TCERG1L: variants seen among roughly 807,000 people sequenced by gnomAD.
The protein encoded by TCERG1L is transcription elongation regulator 1 like.
In TCERG1L, 37 loss-of-function variants were observed where a neutral mutation model predicts 56.3. The observed-to-expected ratio is 0.66, with a 90% CI of 0.51 to 0.87. The LOEUF (loss-of-function observed/expected upper bound fraction) is 0.87. Ranked by LOEUF, TCERG1L falls within the 40% of genes least tolerant of loss-of-function variation. TCERG1L has a pLI of 0.00. For synonymous variants in TCERG1L, 324 were observed against 326.3 expected (o/e 0.99, Z 0.08); for missense variants, 799 against 774.2 (o/e 1.03, Z -0.38).
At chr10:131,304,867 T>A (rs1040255345) in intron 3 of TCERG1L, among the ~76,000 whole-genome samples, 1 of 151,960 alleles carries the variant, frequency 6.6e-6, no homozygotes, top group African/African-American at 2.4e-5. Flanking sequence ...TCCGTGAGGA[T>A]CCTGGGGACT....
At chr10:131,257,345 CTG>C (rs1045450275) in intron 4 of TCERG1L, among the ~76,000 whole-genome samples, 3 of 152,228 alleles carry the variant, frequency 2.0e-5, no homozygotes. Context: ...TGACACCACT[CTG>C]AAAGAGAAGC....
At chr10:131,169,646 C>T (rs898333280) in intron 4 of TCERG1L, among the ~76,000 whole-genome samples, 6 of 152,082 alleles carry the variant, frequency 3.9e-5, no homozygotes, top group Non-Finnish European at 8.8e-5. Flanking sequence ...CTGGAGGGGT[C>T]GTGCACGGAA....
chr10:131,236,617 C>T (rs1845915684), intron 4 of TCERG1L, among the ~76,000 whole-genome samples: 1 of 152,222 alleles, frequency 6.6e-6, no homozygotes, highest in African/African-American at 2.4e-5. Context: ...TCGATGACAG[C>T]CATCCCCACT....
intron 4 of TCERG1L, among the ~76,000 whole-genome samples, chr10:131,243,874 G>A (rs1437807277): frequency 6.6e-6 from 1 of 152,214 alleles, no homozygotes; most frequent in Non-Finnish European, 1.5e-5. Flanking sequence ...AAAAGCCCAA[G>A]AACTGTCCAA....
At chr10:131,292,791 T>G (rs1846644746) in intron 3 of TCERG1L, among the ~76,000 whole-genome samples, 1 of 128,582 alleles carries the variant, frequency 7.8e-6, no homozygotes, top group Non-Finnish European at 1.8e-5. Context: ...TTAATGTGTT[T>G]TTTTTTTCAT....
intron 4 of TCERG1L, among the ~76,000 whole-genome samples, chr10:131,254,909 T>C (rs1846151945): frequency 3.3e-5 from 5 of 152,204 alleles, no homozygotes. Context: ...CACTTCCTTA[T>C]AGAGCGGTGA....
chr10:131,122,533 C>T (rs1845523966), intron 8 of TCERG1L, among the ~76,000 whole-genome samples: 1 of 152,240 alleles, frequency 6.6e-6, no homozygotes, highest in Non-Finnish European at 1.5e-5. Context: ...AACACATTAG[C>T]ATACTGGCAG....
intron 1 of TCERG1L, among the ~76,000 whole-genome samples, chr10:131,309,748 T>G (rs1445861196): frequency 2.7e-5 from 4 of 145,736 alleles, no homozygotes; most frequent in Non-Finnish European, 6.0e-5. Flanking sequence ...TACAAATAAC[T>G]AATACTTTCA....
rs780626618 is a variant in TCERG1L, at chr10:131,146,515, C to T, written c.1180G>A (p.Ala394Thr). 6 of 1,609,298 alleles carry T rather than the reference C, an allele frequency of 3.7e-6. No homozygotes were observed. The Admixed American group carries it at 6.7e-5, about 18-fold the overall frequency. ...CCCAGGGCTTAGTTACTTGCTGGTG[C>T]CTCCAGCTTGCGTTTGTGGGGCGGG... The part of the protein sequence containing the change: ...EDPPHKRKLE[A>T]PATDNSDGSS... Residue 394 changes from alanine to threonine, a missense_variant, in exon 7 of 12, where the codon GCA becomes ACA. Coordinates refer to ENST00000368642, the MANE Select transcript of TCERG1L (RefSeq NM_174937.4).
rs1845324110 is a variant in TCERG1L, at chr10:131,103,683, C to T, written c.1485+582G>A. ...TCCAGCCTGGGCAACAGAGTCAGAT[C>T]CTGTCTAAAATAAAATGAAATAAAA... On this transcript the variant is annotated intron_variant, in intron 10 of 11. Transcript: ENST00000368642. This position sits in a 1 kb window ranked among gnomAD's most constrained non-coding sequence, Gnocchi z 4.3. 6.6e-6 allele frequency among the ~76,000 whole-genome samples: 1 copy of T among 152,088 alleles called. No individual in the cohort carries two copies. Among genetic ancestry groups the T allele is most frequent in the South Asian group, 2.1e-4 (1 of 4,814 alleles).
chr10:131,241,676 G>C (rs1845975357), intron 4 of TCERG1L, among the ~76,000 whole-genome samples: 1 of 151,920 alleles, frequency 6.6e-6, no homozygotes, highest in Admixed American at 6.6e-5. Flanking sequence ...TGAACACAGT[G>C]GATAGCGTAA....
At chr10:131,133,113 C>T (rs979955092) in intron 8 of TCERG1L, among the ~76,000 whole-genome samples, 21 of 152,290 alleles carry the variant, frequency 1.4e-4, no homozygotes, top group African/African-American at 3.6e-4. Flanking sequence ...ATGGCTCCAT[C>T]GGCACCCAGC....
Position 131,306,117 on chromosome 10 carries a change from C to G in TCERG1L, c.670+2094G>C, listed in dbSNP as rs191939538. Among the ~76,000 whole-genome samples, 6 of 152,198 alleles carry G rather than the reference C, an allele frequency of 3.9e-5. No individual in the cohort carries two copies. The East Asian group carries it at 1.2e-3, about 29-fold the overall frequency. The stretch of plus-strand genomic sequence containing the variant: ...TTAACTTACTTGGAGCTTACCCTAC[C>G]TACCACCTTCACTTGTCCCCGTTCT... On this transcript the variant is annotated intron_variant, in intron 3 of 11. Coordinates refer to ENST00000368642, the MANE Select transcript of TCERG1L (RefSeq NM_174937.4).
intron 4 of TCERG1L, among the ~76,000 whole-genome samples, chr10:131,207,087 G>A (rs12251267): frequency 0.023 from 3,515 of 152,196 alleles, 129 homozygotes; most frequent in African/African-American, 0.078. Context: ...CGGAGTGGGC[G>A]CAACTCTGCT....
At chr10:131,295,874 T>A (rs1234198817) in intron 3 of TCERG1L, among the ~76,000 whole-genome samples, 1 of 152,196 alleles carries the variant, frequency 6.6e-6, no homozygotes, top group Non-Finnish European at 1.5e-5. Context: ...CACAAATACC[T>A]CCCTATTTCC....
rs1491447038 is a variant in TCERG1L, at chr10:131,285,471, A to AG, written c.670+22739dup. Among the ~76,000 whole-genome samples the AG allele has an allele frequency of 1.1e-3, 15 of 13,430 alleles. No homozygotes were observed. In the East Asian group the frequency reaches 0.044, roughly 39 times the overall value. The allele number at this position is 13,430 out of a possible 152,430, so 8.8% of individuals were successfully genotyped here. ...AAAGAAAGAGAGAGAAAGGGAAGAA[A>AG]GAAAGAAAGAAAGAAAGAAAGAAAG... On this transcript the variant is annotated intron_variant, in intron 3 of 11. Transcript: ENST00000368642.
At chr10:131,116,341 C>T (rs777272022) in intron 9 of TCERG1L, among the ~76,000 whole-genome samples, 9 of 152,170 alleles carry the variant, frequency 5.9e-5, no homozygotes, top group Admixed American at 1.3e-4. Context: ...ACAGTGAGGT[C>T]GGGCACCGCG....
chr10:131,175,505 C>T (rs866825980), intron 4 of TCERG1L, among the ~76,000 whole-genome samples: 1 of 152,236 alleles, frequency 6.6e-6, no homozygotes, highest in Non-Finnish European at 1.5e-5. Context: ...CACCCGAGCA[C>T]CAGCTCTGCC....
intron 4 of TCERG1L, among the ~76,000 whole-genome samples, chr10:131,219,944 G>A (rs1281814127): frequency 6.6e-6 from 1 of 152,132 alleles, no homozygotes; most frequent in Non-Finnish European, 1.5e-5. Context: ...GCCTCCCAGG[G>A]CCTACCAAAG....
Sources: gnomAD v4.1 joint callset for allele counts (sites outside exome capture counted in the v4.1 genomes callset) on GRCh38, gnomAD v4.1.1 for gene constraint, Gnocchi (gnomAD v3.1) non-coding constraint, MANE v1.5 for transcripts, NCBI Gene and HGNC (gene_info 2026-07-23, HGNC 2026-07-21) for gene names.